The following PRKDC variants were observed in gnomAD, a reference collection of about 807,000 sequenced individuals.
The protein encoded by PRKDC is DNA-dependent protein kinase catalytic subunit.
A neutral mutation model predicts 486.9 loss-of-function variants in PRKDC; 82 were observed. The ratio of observed to expected loss-of-function variants is 0.17; its 90% CI spans 0.14 to 0.20. The LOEUF (loss-of-function observed/expected upper bound fraction) is 0.20. Among genes scored for constraint, PRKDC ranks in the 10% least tolerant of loss-of-function variants. The pLI, the probability that PRKDC is intolerant of heterozygous loss-of-function variation, is 1.00. For missense variants in PRKDC, 4,504 were observed against 5,038.2 expected (o/e 0.89, Z 3.21); for synonymous variants, 1,895 against 1,837.0 (o/e 1.03, Z -0.81).
intron 25 of PRKDC, among the ~76,000 whole-genome samples, chr8:47,905,790 A>G (rs1350249777): frequency 6.6e-6 from 1 of 152,178 alleles, no homozygotes; most frequent in African/African-American, 2.4e-5. Context: ...CTTCTGGAAC[A>G]TAAATAAAGC....
chr8:47,939,641 A>G lies in PRKDC; in HGVS notation c.1023T>C (p.Phe341=), dbSNP rs1589807206. The G allele has an allele frequency of 2.5e-6, 4 of 1,612,804 alleles. No individual in the cohort carries two copies. The highest frequency in any genetic ancestry group is 3.4e-6 in the Non-Finnish European group (4 of 1,178,934). Residue 341 remains phenylalanine (F), a synonymous_variant, in exon 11 of 86, where the codon TTT becomes TTC. Coordinates refer to ENST00000314191, the MANE Select transcript of PRKDC (RefSeq NM_006904.7). ...AEMHKNKLQY[F]MEQFYGIIRN... ...TGATGATTCCATAAAACTGCTCCAT[A>G]AAGTACTGCAGTTTATTTTTATGCA... is the stretch of plus-strand genomic sequence containing the variant.
At chr8:47,851,092 G>A (rs1038733778) in intron 52 of PRKDC, among the ~76,000 whole-genome samples, 1 of 152,236 alleles carries the variant, frequency 6.6e-6, no homozygotes, top group African/African-American at 2.4e-5. Flanking sequence ...TTATAGGCAT[G>A]AGCCACAGCA....
chr8:47,801,584 A>G (rs1175873063), intron 70 of PRKDC, among the ~76,000 whole-genome samples: 1 of 152,202 alleles, frequency 6.6e-6, no homozygotes, highest in Non-Finnish European at 1.5e-5. Context: ...CAATTTTTCA[A>G]AGCACCTAAT....
In PRKDC at chr8:47,858,533, C is replaced by T; in HGVS notation, c.6448G>A (p.Val2150Ile). ...LNIRLFLAKL[V>I]INTEEVFRPY... ...TTACTTACCTCTTCTGTATTAATAACAAGCTTGGCTAAGAAGAGACGGATA... is the reference window on the plus strand; with the variant it reads ...TTACTTACCTCTTCTGTATTAATAATAAGCTTGGCTAAGAAGAGACGGATA... Residue 2150 changes from valine (V) to isoleucine (I), a missense_variant, in exon 48 of 86, where the codon GTT (valine) becomes ATT (isoleucine). Around this residue, in one of 6 missense-constraint regions of PRKDC, gnomAD observed 1,592 missense variants for 1,724.6 expected, o/e 0.92. Transcript: ENST00000314191. 6.6e-7 allele frequency: 1 copy of T among 1,518,776 alleles called. No individual in the cohort carries two copies. The highest frequency in any genetic ancestry group is 2.3e-5 in the East Asian group (1 of 43,096). 94.1% of individuals were successfully genotyped at this position (1,518,776 alleles called of 1,614,324 possible).
At chr8:47,777,155 C>A (rs918544159) in intron 84 of PRKDC, among the ~76,000 whole-genome samples, 172 bp from the exon 85 acceptor site, 1 of 152,068 alleles carries the variant, frequency 6.6e-6, no homozygotes, top group Non-Finnish European at 1.5e-5. Flanking sequence ...ACACACATCA[C>A]GAGACGAGGG....
At chr8:47,797,741 T>C (rs1162353727) in intron 73 of PRKDC, among the ~76,000 whole-genome samples, 1 of 152,188 alleles carries the variant, frequency 6.6e-6, no homozygotes, top group African/African-American at 2.4e-5. Flanking sequence ...GCAGGTCACA[T>C]GGAAGGGTGC....
intron 74 of PRKDC, among the ~76,000 whole-genome samples, chr8:47,791,493 A>G (rs1426526932): frequency 6.6e-6 from 1 of 152,158 alleles, no homozygotes; most frequent in Non-Finnish European, 1.5e-5. Context: ...ACAAACAAAA[A>G]ACAACCAAAA....
In PRKDC at chr8:47,773,367, T is replaced by C. The variant is rs1427160501; in HGVS notation, c.*806A>G. 1 of 218,544 alleles carries C rather than the reference T, an allele frequency of 4.6e-6. No homozygotes were observed. The highest frequency in any genetic ancestry group is 2.2e-5 in the African/African-American group (1 of 44,496). 13.5% of individuals were successfully genotyped at this position (218,544 alleles called of 1,614,324 possible). A position where few individuals can be genotyped will look rare whatever the true frequency, so the allele number is the denominator to read the frequency against. ...CTCCAAATGAGGAATTCATTTCAAA[T>C]AGGAATTTCTTTTATTCTCCTGGAA... is the stretch of plus-strand genomic sequence containing the variant. On this transcript the variant is annotated 3_prime_UTR_variant, in exon 86 of 86. Transcript: ENST00000314191.
intron 40 of PRKDC, among the ~76,000 whole-genome samples, chr8:47,872,011 T>G (rs1187057248): frequency 6.6e-6 from 1 of 152,252 alleles, no homozygotes; most frequent in Non-Finnish European, 1.5e-5. Context: ...AATTGTGGTA[T>G]GTAAACTACT....
intron 25 of PRKDC, among the ~76,000 whole-genome samples, chr8:47,906,340 G>A (rs897954901): frequency 6.6e-5 from 10 of 151,718 alleles, no homozygotes; most frequent in Admixed American, 1.3e-4. Flanking sequence ...GAGGGACACC[G>A]TGTCTAAAAA....
chr8:47,828,950 C>T (rs1589725730), intron 61 of PRKDC, among the ~76,000 whole-genome samples: 1 of 152,328 alleles, frequency 6.6e-6, no homozygotes. Context: ...ACAGCCCTAA[C>T]CCTCGCACAC....
chr8:47,795,035 C>T (rs571134167), intron 73 of PRKDC, among the ~76,000 whole-genome samples: 106 of 151,720 alleles, frequency 7.0e-4, no homozygotes, highest in African/African-American at 1.9e-3. Flanking sequence ...ACTACAGGTG[C>T]GCCACCATGC....
intron 21 of PRKDC, among the ~76,000 whole-genome samples, chr8:47,920,083 T>C (rs796993629): frequency 2.6e-5 from 4 of 152,312 alleles, no homozygotes; most frequent in African/African-American, 9.6e-5. Flanking sequence ...GCCCATCCCT[T>C]TGTTTCCCAT....
At chr8:47,775,364 ATTTTTTTTT>A (rs761373021) in intron 85 of PRKDC, among the ~76,000 whole-genome samples, 1 of 87,574 alleles carries the variant, frequency 1.1e-5, no homozygotes, top group Non-Finnish European at 2.1e-5. Flanking sequence ...TCTTTTGACC[ATTTTTTTTT>A]TTTTTTTTTT....
intron 52 of PRKDC, 30 bp from the exon 53 acceptor site, chr8:47,849,533 C>T: frequency 4.4e-6 from 7 of 1,606,324 alleles, no homozygotes; most frequent in Non-Finnish European, 5.1e-6. Context: ...TTCAAATACA[C>T]AAAAGTGGAA....
chr8:47,919,437 CAT>C (rs2090038556), intron 21 of PRKDC, among the ~76,000 whole-genome samples: 1 of 152,198 alleles, frequency 6.6e-6, no homozygotes, highest in African/African-American at 2.4e-5. Flanking sequence ...AACTTTGACA[CAT>C]GTTCATTTTT....
intron 59 of PRKDC, among the ~76,000 whole-genome samples, chr8:47,833,407 T>C (rs1228199472): frequency 6.6e-6 from 1 of 152,128 alleles, no homozygotes; most frequent in Non-Finnish European, 1.5e-5. Flanking sequence ...GTCCTTCCTC[T>C]GGGCCCTTGT....
rs1352488169 is a variant in PRKDC at position 47,866,725 on chromosome 8, TACAAATA to T, written c.5364-1969_5364-1963del. ...TAGTGAAACAGATACACTAGTATAT[TACAAATA>T]AGGGAGGAATGCAAATAATACAGCC... is the stretch of plus-strand genomic sequence containing the variant. On this transcript the variant is annotated intron_variant, in intron 40 of 85. Coordinates refer to ENST00000314191, the MANE Select transcript of PRKDC (RefSeq NM_006904.7). Among the ~76,000 whole-genome samples, 10 of 152,080 alleles carry T rather than the reference TACAAATA, an allele frequency of 6.6e-5. No individual in the cohort carries two copies. In the East Asian group the frequency reaches 1.3e-3, roughly 20 times the overall value.
At chr8:47,836,729 G>A (rs1379312653) in intron 57 of PRKDC, among the ~76,000 whole-genome samples, 1 of 152,140 alleles carries the variant, frequency 6.6e-6, no homozygotes, top group South Asian at 2.1e-4. Flanking sequence ...GTTAACTATC[G>A]AGTGAGAAAA....
Sources: allele counts gnomAD v4.1 joint callset (sites outside exome capture counted in the v4.1 genomes callset), GRCh38; gene constraint gnomAD v4.1.1; regional missense constraint gnomAD v4.1.1; transcripts MANE v1.5; gene names NCBI Gene and HGNC (gene_info 2026-07-23, HGNC 2026-07-21).